AMD1: variants seen among roughly 807,000 people sequenced by gnomAD.
The protein encoded by AMD1 is S-adenosylmethionine decarboxylase proenzyme.
AMD1 carries 11 observed loss-of-function variants against 40.2 expected under a neutral mutation model. The observed-to-expected ratio is 0.27, with a 90% CI of 0.17 to 0.45. The LOEUF (loss-of-function observed/expected upper bound fraction) is 0.45. AMD1 is among the 20% of genes least tolerant of loss of function. The pLI, the probability that AMD1 is intolerant of heterozygous loss-of-function variation, is 1.00. For synonymous variants in AMD1, 121 were observed against 130.8 expected (o/e 0.93, Z 0.51); for missense variants, 257 against 410.2 (o/e 0.63, Z 3.23).
At chr6:110,815,011 A>T in the AMD1 span, 2 of 1,603,556 alleles carry the variant, frequency 1.2e-6, no homozygotes, top group Non-Finnish European at 8.5e-7. Context: ...GCTCTTACCC[A>T]TCTTTCCGCC....
intron 6 of AMD1, 138 bp downstream of exon 6, chr6:110,892,581 C>A: frequency 7.1e-7 from 1 of 1,412,004 alleles, no homozygotes; most frequent in Non-Finnish European, 9.8e-7. Context: ...GGGGGTTTGT[C>A]GTACACAGTA....
chr6:110,815,072 T>A, the AMD1 span: 1 of 1,604,886 alleles, frequency 6.2e-7, no homozygotes, highest in Non-Finnish European at 8.5e-7. Context: ...GCACCCTTCG[T>A]ACTCAAACAA....
rs746096718 is a variant in AMD1 at position 110,890,356 on chromosome 6, A to C, written c.427A>C (p.Asn143His). 6.3e-7 allele frequency: 1 copy of C among 1,582,890 alleles called. No homozygotes were observed. The highest frequency in any genetic ancestry group is 1.2e-5 in the South Asian group (1 of 85,844). Reference protein sequence around the residue: ...EIEFLNAIFPNGAAYCMGRMN... With the variant: ...EIEFLNAIFPHGAAYCMGRMN... Reference sequence around the variant, plus strand: ...AGAGTTTCTTAATGCAATTTTCCCAAGTAAGTTTAAATAAAATATAAACCT... The same window carrying C: ...AGAGTTTCTTAATGCAATTTTCCCACGTAAGTTTAAATAAAATATAAACCT... The change falls in exon 4 of 9, where the codon AAT becomes CAT. Residue 143 changes from asparagine to histidine, a missense_variant and splice_region_variant. Asn to His is a moderately conservative substitution (Grantham distance 68). Transcript: ENST00000368885.
chr6:110,878,789 G>A (rs1785243420), intron 1 of AMD1, among the ~76,000 whole-genome samples: 1 of 152,110 alleles, frequency 6.6e-6, no homozygotes, highest in African/African-American at 2.4e-5. Flanking sequence ...TTCAGGACTG[G>A]AAATCCTATT....
chr6:110,843,286 A>G, the AMD1 span, among the ~76,000 whole-genome samples: 1 of 151,762 alleles, frequency 6.6e-6, no homozygotes, highest in African/African-American at 2.4e-5. Flanking sequence ...AACATGGAGA[A>G]ACCCACCTCT....
chr6:110,859,255 C>T, the AMD1 span: 60 of 413,252 alleles, frequency 1.5e-4, no homozygotes, highest in East Asian at 2.7e-3. Flanking sequence ...CCAATCAACC[C>T]AGGGTCTGTG....
chr6:110,847,988 A>G, the AMD1 span, among the ~76,000 whole-genome samples: 1 of 151,564 alleles, frequency 6.6e-6, no homozygotes, highest in Non-Finnish European at 1.5e-5. Context: ...TGCTGGGATT[A>G]CAGGCATGAG....
chr6:110,860,934 T>C, the AMD1 span, among the ~76,000 whole-genome samples: 1 of 151,798 alleles, frequency 6.6e-6, no homozygotes. Flanking sequence ...CTTGCTTTTA[T>C]TAATTGGCTG....
chr6:110,852,723 C>T, the AMD1 span, among the ~76,000 whole-genome samples: 1 of 152,158 alleles, frequency 6.6e-6, no homozygotes, highest in Non-Finnish European at 1.5e-5. Context: ...ATTTTTACAA[C>T]AAACTTCTTA....
chr6:110,822,919 C>T, the AMD1 span, among the ~76,000 whole-genome samples: 12 of 151,992 alleles, frequency 7.9e-5, no homozygotes, highest in African/African-American at 2.4e-4. Context: ...AGTTCAAGAC[C>T]GGCCTGACCA....
chr6:110,849,463 C>T, the AMD1 span, among the ~76,000 whole-genome samples: 1 of 152,258 alleles, frequency 6.6e-6, no homozygotes, highest in Admixed American at 6.5e-5. Context: ...GCATTAGTTT[C>T]ATTAAAAAGG....
chr6:110,893,693 G>A lies in AMD1; in HGVS notation c.*77G>A. 2 of 1,510,606 alleles carry A rather than the reference G, an allele frequency of 1.3e-6. No individual in the cohort carries two copies. 93.6% of individuals were successfully genotyped at this position (1,510,606 alleles called of 1,614,324 possible). A position where few individuals can be genotyped will look rare whatever the true frequency, so the allele number is the denominator to read the frequency against. The stretch of plus-strand genomic sequence containing the variant: ...GGATGCTTTCTAGATGTCGATGCTG[G>A]GGGCAGTGCTTTCCATAACCACCAC... On this transcript the variant is annotated 3_prime_UTR_variant, in exon 9 of 9. Coordinates refer to ENST00000368885, the MANE Select transcript of AMD1 (RefSeq NM_001634.6).
the AMD1 span, among the ~76,000 whole-genome samples, chr6:110,869,169 A>C: frequency 1.6e-4 from 24 of 151,418 alleles, no homozygotes; most frequent in Admixed American, 9.2e-4. Flanking sequence ...CTCTCTCTGT[A>C]GCCCAGGCTG....
At chr6:110,877,836 G>A (rs137991263) in intron 1 of AMD1, among the ~76,000 whole-genome samples, 155 of 152,278 alleles carry the variant, frequency 1.0e-3, no homozygotes, top group Middle Eastern at 6.8e-3. Context: ...CTAAAAGTAG[G>A]TTAAAAGATG....
At chr6:110,866,379 C>G in the AMD1 span, among the ~76,000 whole-genome samples, 1 of 152,164 alleles carries the variant, frequency 6.6e-6, no homozygotes, top group Non-Finnish European at 1.5e-5. Context: ...CACTGAAAAT[C>G]ACTGTCATGA....
chr6:110,884,621 T>A (rs557731350), intron 1 of AMD1, among the ~76,000 whole-genome samples: 1 of 152,226 alleles, frequency 6.6e-6, no homozygotes, highest in South Asian at 2.1e-4. Context: ...TTTAAGAGAC[T>A]GGCTATTGCT....
chr6:110,821,346 C>T, the AMD1 span, among the ~76,000 whole-genome samples: 2,050 of 152,300 alleles, frequency 0.013, 49 homozygotes, highest in African/African-American at 0.047. Flanking sequence ...CGCCTGTAAT[C>T]CCAGCACTTT....
At chr6:110,841,140 A>G in the AMD1 span, among the ~76,000 whole-genome samples, 2 of 152,178 alleles carry the variant, frequency 1.3e-5, no homozygotes, top group Non-Finnish European at 2.9e-5. Context: ...TAGCCTCCCA[A>G]GTAGCTGGGA....
At position 110,891,958 on chromosome 6, in the gene AMD1, G is replaced by T. The variant is rs542441938; in HGVS notation, c.428-203G>T. The T allele has an allele frequency of 1.3e-3, 813 of 621,360 alleles. 4 individuals carry two copies. Among genetic ancestry groups the T allele is most frequent in the South Asian group, 4.2e-3 (218 of 51,568 alleles). 38.5% of individuals were successfully genotyped at this position (621,360 alleles called of 1,614,324 possible). A position where few individuals can be genotyped will look rare whatever the true frequency, so the allele number is the denominator to read the frequency against. On this transcript the variant is annotated intron_variant, in intron 4 of 8. Transcript: ENST00000368885. ...GGGTTTCATCATGTTGGCCAGGCTCGAACTCTTGACCTCAAGCCCACCTCT... is the reference window on the plus strand; with the variant it reads ...GGGTTTCATCATGTTGGCCAGGCTCTAACTCTTGACCTCAAGCCCACCTCT...
Sources: gnomAD v4.1 joint callset for allele counts (sites outside exome capture counted in the v4.1 genomes callset) on GRCh38, gnomAD v4.1.1 for gene constraint, MANE v1.5 for transcripts, NCBI Gene and HGNC (gene_info 2026-07-23, HGNC 2026-07-21) for gene names.